The following DPP6 variants were observed in gnomAD, a reference collection of about 807,000 sequenced individuals.
DPP6 encodes the protein dipeptidyl peptidase like 6.
Under a neutral mutation model 122.6 loss-of-function variants are expected in DPP6, and 69 were observed. The ratio of observed to expected loss-of-function variants is 0.56; its 90% confidence interval spans 0.46 to 0.69. DPP6 has a LOEUF of 0.69. Among genes scored for constraint, DPP6 ranks in the 30% least tolerant of loss-of-function variants. The pLI, the probability that DPP6 is intolerant of heterozygous loss-of-function variation, is 0.00. For missense variants in DPP6, 928 were observed against 1,116.9 expected (o/e 0.83, Z 2.41); for synonymous variants, 418 against 433.1 (o/e 0.97, Z 0.43).
At position 154,085,587 on chromosome 7, in the gene DPP6, C is replaced by T. The variant is rs562039539; in HGVS notation, c.243+32524C>T. Among the ~76,000 whole-genome samples, 256 of 152,114 alleles carry T rather than the reference C, an allele frequency of 1.7e-3. 1 individual carries two copies. Among genetic ancestry groups the T allele is most frequent in the African/African-American group, 5.9e-3 (244 of 41,484 alleles). On this transcript the variant is annotated intron_variant, in intron 1 of 25. Coordinates refer to ENST00000377770, the MANE Select transcript of DPP6 (RefSeq NM_130797.4). ...TCTGGAACTGTGATGTTGTTTATGT[C>T]GAGTCCCAGAAGTTAAGGCAGAAGG...
At chr7:154,615,643 C>A (rs1792190558) in intron 5 of DPP6, among the ~76,000 whole-genome samples, 2 of 152,274 alleles carry the variant, frequency 1.3e-5, no homozygotes, top group Non-Finnish European at 2.9e-5. Context: ...ATCCCAATGC[C>A]TTTTCAACAT....
At chr7:154,845,691 T>C (rs1801890998) in intron 16 of DPP6, among the ~76,000 whole-genome samples, 1 of 152,244 alleles carries the variant, frequency 6.6e-6, no homozygotes, top group African/African-American at 2.4e-5. Context: ...CCAGCTTTAC[T>C]CAAAATTTCT....
chr7:153,838,199 T>C, the DPP6 span, among the ~76,000 whole-genome samples: 1 of 152,132 alleles, frequency 6.6e-6, no homozygotes. Flanking sequence ...AGGAATCCCA[T>C]GCATAAGGGT....
At position 154,494,273 on chromosome 7, in the gene DPP6, T is replaced by C. The variant is rs139275464; in HGVS notation, c.457+19236T>C. Among the ~76,000 whole-genome samples, 1,332 of 151,958 alleles carry C rather than the reference T, an allele frequency of 8.8e-3. 15 individuals are homozygous for C. Among genetic ancestry groups the C allele is most frequent in the South Asian group, 0.055 (265 of 4,820 alleles). Reference sequence around the variant, plus strand: ...CAGGAGGCTGAGGCAGGAGGATCACTTGAGCCTGCGAGGGACAGGCTGTGG... The same window carrying C: ...CAGGAGGCTGAGGCAGGAGGATCACCTGAGCCTGCGAGGGACAGGCTGTGG... On this transcript the variant is annotated intron_variant, in intron 3 of 25. Transcript: ENST00000377770.
intron 8 of DPP6, among the ~76,000 whole-genome samples, chr7:154,768,118 G>A (rs1482236460): frequency 6.6e-6 from 1 of 152,220 alleles, no homozygotes; most frequent in African/African-American, 2.4e-5. Context: ...CCTGCTGCAG[G>A]CCTCTGGGCT....
At chr7:154,276,302 C>G (rs1218967737) in intron 1 of DPP6, among the ~76,000 whole-genome samples, 1 of 152,196 alleles carries the variant, frequency 6.6e-6, no homozygotes, top group East Asian at 1.9e-4. Flanking sequence ...ATTCTGAAAT[C>G]AGATTCTGTG....
intron 1 of DPP6, among the ~76,000 whole-genome samples, chr7:154,346,436 A>G (rs1482880809): frequency 2.0e-5 from 3 of 151,990 alleles, no homozygotes; most frequent in Non-Finnish European, 4.4e-5. Flanking sequence ...CCTCCCAAGT[A>G]TCTGGGATTA....
Position 154,624,676 on chromosome 7 carries a change from G to C in DPP6, c.628-13145G>C, listed in dbSNP as rs1369111130. ...TGCACACAAACAATAGAAAGCAATG[G>C]AGCCCTTGTTAGAAACACATATTTC... On this transcript the variant is annotated intron_variant, in intron 5 of 25. Coordinates refer to ENST00000377770, the MANE Select transcript of DPP6 (RefSeq NM_130797.4). The surrounding 1 kb of genome is among the most constrained non-coding windows in gnomAD (Gnocchi z 4.7). Among the ~76,000 whole-genome samples, 1 of 152,086 alleles carries C rather than the reference G, an allele frequency of 6.6e-6. No individual in the cohort carries two copies. The highest frequency in any genetic ancestry group is 1.9e-4 in the East Asian group (1 of 5,178).
the DPP6 span, among the ~76,000 whole-genome samples, chr7:153,756,791 A>G: frequency 0.47 from 70,949 of 149,578 alleles, 16,469 homozygotes; most frequent in East Asian, 0.67. Context: ...CTTCCAGGAT[A>G]TTACTGAAAA....
chr7:154,775,809 C>T (rs921367026), intron 10 of DPP6, among the ~76,000 whole-genome samples: 5 of 152,210 alleles, frequency 3.3e-5, no homozygotes, highest in Non-Finnish European at 7.3e-5. Context: ...CTGACACTGT[C>T]TACACAGCAT....
intron 5 of DPP6, among the ~76,000 whole-genome samples, chr7:154,621,704 T>C (rs888803855): frequency 6.6e-6 from 1 of 152,156 alleles, no homozygotes; most frequent in Admixed American, 6.5e-5. Context: ...CCGTAATTTT[T>C]TCTCTTCCAA....
intron 6 of DPP6, among the ~76,000 whole-genome samples, chr7:154,664,065 A>G (rs1396648061): frequency 1.0e-4 from 11 of 106,556 alleles, no homozygotes; most frequent in African/African-American, 2.7e-4. Flanking sequence ...TAGTGTTCAT[A>G]TAGTCATGGT....
intron 6 of DPP6, among the ~76,000 whole-genome samples, chr7:154,656,057 A>G (rs1837218198): frequency 6.6e-6 from 1 of 151,720 alleles, no homozygotes; most frequent in African/African-American, 2.4e-5. Flanking sequence ...AGTTGAAATG[A>G]CAGTGACAGA....
intron 1 of DPP6, among the ~76,000 whole-genome samples, chr7:154,120,333 C>G (rs187125746): frequency 5.9e-5 from 9 of 152,006 alleles, no homozygotes; most frequent in African/African-American, 9.7e-5. Flanking sequence ...CAAGCTCCCC[C>G]TCATGGGTTC....
intron 1 of DPP6, among the ~76,000 whole-genome samples, chr7:154,296,146 A>G (rs1585856865): frequency 6.6e-6 from 1 of 152,108 alleles, no homozygotes; most frequent in Non-Finnish European, 1.5e-5. Context: ...GGGTTTCACC[A>G]TGTTAGCCAG....
chr7:153,948,827 T>G (rs1802071144), intron 1 of DPP6, among the ~76,000 whole-genome samples: 1 of 145,278 alleles, frequency 6.9e-6, no homozygotes. Context: ...CCATACGAGA[T>G]ATTAAACAGG....
intron 1 of DPP6, among the ~76,000 whole-genome samples, chr7:154,138,050 A>G (rs1205910936): frequency 6.6e-6 from 1 of 152,198 alleles, no homozygotes; most frequent in African/African-American, 2.4e-5. Context: ...AGTGTTCCTA[A>G]GATGCCAGCC....
At chr7:153,986,034 T>C (rs1189826663) in intron 1 of DPP6, among the ~76,000 whole-genome samples, 1 of 152,124 alleles carries the variant, frequency 6.6e-6, no homozygotes, top group African/African-American at 2.4e-5. Context: ...GGAGAAAAAA[T>C]GTCTTTGATA....
At chr7:154,416,273 T>G (rs1320064353) in intron 1 of DPP6, among the ~76,000 whole-genome samples, 1 of 152,222 alleles carries the variant, frequency 6.6e-6, no homozygotes, top group Non-Finnish European at 1.5e-5. Flanking sequence ...ATGCCGATGA[T>G]TCAGGATCAC....
Sources: allele counts gnomAD v4.1 joint callset (sites outside exome capture counted in the v4.1 genomes callset), GRCh38; gene constraint gnomAD v4.1.1; non-coding constraint Gnocchi (gnomAD v3.1); transcripts MANE v1.5; gene names NCBI Gene and HGNC (gene_info 2026-07-23, HGNC 2026-07-21).